The following SCO1 variants were observed in gnomAD, a reference collection of about 807,000 sequenced individuals.
The protein encoded by SCO1 is synthesis of cytochrome C oxidase 1.
A neutral mutation model predicts 34.0 loss-of-function variants in SCO1; 23 were observed. That is an observed-to-expected ratio of 0.68 (90% CI 0.49 to 0.96). SCO1 has a LOEUF of 0.96. Among genes scored for constraint, SCO1 ranks in the 40% least tolerant of loss-of-function variants. The probability of loss-of-function intolerance (pLI) is 0.00; values close to 1 mark genes in which losing one functional copy is unlikely to be tolerated. For missense variants in SCO1, 404 were observed against 381.6 expected (o/e 1.06, Z -0.49); for synonymous variants, 161 against 145.5 (o/e 1.11, Z -0.77).
At chr17:10,684,695 C>T (rs2074644308) in intron 5 of SCO1, among the ~76,000 whole-genome samples, 1 of 152,178 alleles carries the variant, frequency 6.6e-6, no homozygotes, top group Non-Finnish European at 1.5e-5. Flanking sequence ...TTTAATATAA[C>T]TCATTTAATG....
At chr17:10,684,616 T>G (rs1386532375) in intron 5 of SCO1, among the ~76,000 whole-genome samples, 1 of 152,236 alleles carries the variant, frequency 6.6e-6, no homozygotes, top group Non-Finnish European at 1.5e-5. Flanking sequence ...TTTCTGACTC[T>G]GAGTTATGAG....
Position 10,674,388 on chromosome 17 carries a change from T to C in SCO1, c.*6731A>G, listed in dbSNP as rs543696524. 4.9e-5 allele frequency: 12 copies of C among 243,826 alleles called. No individual in the cohort carries two copies. The East Asian group carries it at 5.9e-4, about 12-fold the overall frequency. The allele number at this position is 243,826 out of a possible 1,614,324, so 15.1% of individuals were successfully genotyped here. A position where few individuals can be genotyped will look rare whatever the true frequency, so the allele number is the denominator to read the frequency against. ...TTGCAGTGAGCCAAGATCGCACCAC[T>C]GCTCTCCAGCCTAGGCAACAAGAGC... On this transcript the variant is annotated 3_prime_UTR_variant, in exon 6 of 6. Transcript: ENST00000255390.
chr17:10,690,468 C>T (rs1490298672), intron 4 of SCO1, among the ~76,000 whole-genome samples: 1 of 152,090 alleles, frequency 6.6e-6, no homozygotes, highest in East Asian at 1.9e-4. Flanking sequence ...AAGGGAAATG[C>T]AAATCAAAAC....
At position 10,680,349 on chromosome 17, in the gene SCO1, C is replaced by T. The variant is rs1686506844; in HGVS notation, c.*770G>A. The T allele has an allele frequency of 1.3e-5, 2 of 152,550 alleles. No homozygotes were observed. Among genetic ancestry groups the T allele is most frequent in the Non-Finnish European group, 2.9e-5 (2 of 68,332 alleles). The allele number at this position is 152,550 out of a possible 1,614,324, so 9.4% of individuals were successfully genotyped here. ...GATCACGCTTGTCTGAACAGCAAAA[C>T]TGAGTATGTTTACTTTACACAAAGT... On this transcript the variant is annotated 3_prime_UTR_variant, in exon 6 of 6. Transcript: ENST00000255390.
In SCO1 at chr17:10,673,723, A is replaced by T. The variant is rs535469339; in HGVS notation, c.*7396T>A. On this transcript the variant is annotated 3_prime_UTR_variant, in exon 6 of 6. Coordinates refer to ENST00000255390, the MANE Select transcript of SCO1 (RefSeq NM_004589.4). The stretch of plus-strand genomic sequence containing the variant: ...TATTTGAGAATGCCTACATGGAAAG[A>T]CTGCACTGAGCCCCGATAAGGCCCC... 6.6e-6 allele frequency: 1 copy of T among 152,342 alleles called. No individual in the cohort carries two copies. Among genetic ancestry groups the T allele is most frequent in the Admixed American group, 6.5e-5 (1 of 15,306 alleles). 9.4% of individuals were successfully genotyped at this position (152,342 alleles called of 1,614,324 possible). A position where few individuals can be genotyped will look rare whatever the true frequency, so the allele number is the denominator to read the frequency against.
intron 4 of SCO1, among the ~76,000 whole-genome samples, chr17:10,687,331 A>T (rs1255200000): frequency 6.6e-6 from 1 of 150,896 alleles, no homozygotes; most frequent in African/African-American, 2.5e-5. Flanking sequence ...ATTTAAAAAA[A>T]CTGGTTAATT....
intron 1 of SCO1, 91 bp downstream of exon 1, chr17:10,697,144 T>G: frequency 8.3e-7 from 1 of 1,209,554 alleles, no homozygotes. Context: ...GGAGGCGGAG[T>G]AGTGTCTGAG....
rs1242188097 is a variant in SCO1 at position 10,672,726 on chromosome 17, C to T, written c.*8393G>A. On this transcript the variant is annotated 3_prime_UTR_variant, in exon 6 of 6. Transcript: ENST00000255390. ...TACATTGAGTCTTCTCACCAAGGAA[C>T]AAACTATTTTCTTAATTAATAGCTC... 1 of 152,170 alleles carries T rather than the reference C, an allele frequency of 6.6e-6. No homozygotes were observed. The highest frequency in any genetic ancestry group is 2.4e-5 in the African/African-American group (1 of 41,450). 9.4% of individuals were successfully genotyped at this position (152,170 alleles called of 1,614,324 possible). A position where few individuals can be genotyped will look rare whatever the true frequency, so the allele number is the denominator to read the frequency against.
intron 5 of SCO1, among the ~76,000 whole-genome samples, chr17:10,682,273 T>C (rs1369801444): frequency 6.6e-6 from 1 of 152,158 alleles, no homozygotes; most frequent in Admixed American, 6.5e-5. Flanking sequence ...ACGCACTATA[T>C]GTCTGTGAGG....
intron 4 of SCO1, among the ~76,000 whole-genome samples, chr17:10,689,957 C>A: frequency 6.7e-6 from 1 of 149,796 alleles, no homozygotes; most frequent in Non-Finnish European, 1.5e-5. Context: ...AAAGGACAGT[C>A]TCCTCAAGAA....
chr17:10,689,476 C>T (rs2074678076), intron 4 of SCO1, among the ~76,000 whole-genome samples: 1 of 151,686 alleles, frequency 6.6e-6, no homozygotes. Context: ...ATCAATGTTA[C>T]CATAATTAAA....
At chr17:10,686,912 T>C in intron 4 of SCO1, 70 bp from the exon 5 acceptor site, 1 of 971,054 alleles carries the variant, frequency 1.0e-6, no homozygotes, top group Non-Finnish European at 1.7e-6. Context: ...CTTCAAAAAA[T>C]GTATCAGTTG....
chr17:10,688,945 T>C (rs1338096157), intron 4 of SCO1, among the ~76,000 whole-genome samples: 1 of 144,598 alleles, frequency 6.9e-6, no homozygotes, highest in African/African-American at 2.9e-5. Flanking sequence ...TGAAACCCCG[T>C]CTCTACTAAA....
In SCO1 at chr17:10,686,738, C is replaced by T. The variant is rs758281587; in HGVS notation, c.760G>A (p.Glu254Lys). Residue 254 changes from glutamate (E) to lysine (K), a missense_variant, in exon 5 of 6, where the codon GAA (glutamate) becomes AAA (lysine). Glu to Lys is a moderately conservative substitution (Grantham distance 56). Transcript: ENST00000255390. ...GAACATTTACTCACTATGTAGTCTT[C>T]ATCTTCGTCCTTGGGGCCAGGGCTG... ...YYSPGPKDED[E>K]DYIVDHTIIM... 6 of 1,605,712 alleles carry T rather than the reference C, an allele frequency of 3.7e-6. No individual in the cohort carries two copies. The highest frequency in any genetic ancestry group is 1.7e-5 in the Admixed American group (1 of 59,996).
At position 10,675,681 on chromosome 17, in the gene SCO1, G is replaced by C. The variant is rs1316258460; in HGVS notation, c.*5438C>G. 2 of 152,044 alleles carry C rather than the reference G, an allele frequency of 1.3e-5. No individual in the cohort carries two copies. The highest frequency in any genetic ancestry group is 4.8e-5 in the African/African-American group (2 of 41,364). The allele number at this position is 152,044 out of a possible 1,614,324, so 9.4% of individuals were successfully genotyped here. On this transcript the variant is annotated 3_prime_UTR_variant, in exon 6 of 6. Transcript: ENST00000255390. ...TTAACACGATGGGTTAGTTTTCCCT[G>C]TTCTCCTAGTATCATACTTCATCCT...
intron 4 of SCO1, 76 bp downstream of exon 4, chr17:10,691,781 CCTATTTCACAAGGCA>C: frequency 1.3e-6 from 1 of 790,552 alleles, no homozygotes; most frequent in Non-Finnish European, 2.2e-6. Flanking sequence ...TACCATTTGT[CCTATTTCACAAGGCA>C]CTGTAAGGTT....
At position 10,680,802 on chromosome 17, in the gene SCO1, CAGG is replaced by C; in HGVS notation, c.*314_*316del. 2.4e-6 allele frequency: 1 copy of C among 418,268 alleles called. No homozygotes were observed. The highest frequency in any genetic ancestry group is 2.4e-5 in the South Asian group (1 of 42,210). The allele number at this position is 418,268 out of a possible 1,614,324, so 25.9% of individuals were successfully genotyped here. On this transcript the variant is annotated 3_prime_UTR_variant, in exon 6 of 6. Transcript: ENST00000255390. ...CAAAGCTGCTGGGAGGGCCTGTTCG[CAGG>C]CAGGAATGCACTGGCTGTGCCTCGC...
chr17:10,683,428 T>C (rs1017043374), intron 5 of SCO1, among the ~76,000 whole-genome samples: 3 of 152,170 alleles, frequency 2.0e-5, no homozygotes, highest in African/African-American at 7.2e-5. Flanking sequence ...GCATAAAAAG[T>C]ATATAACTTT....
Position 10,675,939 on chromosome 17 carries a change from C to G in SCO1, c.*5180G>C, listed in dbSNP as rs183901685. ...ACATGGAGACAACACATCCCCACAA[C>G]GAACTGCATCATAGCTCCTTGAAAT... On this transcript the variant is annotated 3_prime_UTR_variant, in exon 6 of 6. Coordinates refer to ENST00000255390, the MANE Select transcript of SCO1 (RefSeq NM_004589.4). The G allele has an allele frequency of 6.6e-6, 1 of 152,232 alleles. No individual in the cohort carries two copies. Among genetic ancestry groups the G allele is most frequent in the East Asian group, 1.9e-4 (1 of 5,190 alleles). The allele number at this position is 152,232 out of a possible 1,614,324, so 9.4% of individuals were successfully genotyped here.
Sources: allele counts gnomAD v4.1 joint callset (sites outside exome capture counted in the v4.1 genomes callset), GRCh38; gene constraint gnomAD v4.1.1; transcripts MANE v1.5; gene names NCBI Gene and HGNC (gene_info 2026-07-23, HGNC 2026-07-21).